Variants in TARS2 observed in about 807,000 individuals in gnomAD.
TARS2 encodes the protein threonine--tRNA ligase, mitochondrial.
In TARS2, 61 loss-of-function variants were observed where a neutral mutation model predicts 94.4. The observed-to-expected ratio is 0.65, with a 90% CI of 0.53 to 0.80. The LOEUF (loss-of-function observed/expected upper bound fraction) is 0.80. Among genes scored for constraint, TARS2 ranks in the 30% least tolerant of loss-of-function variants. TARS2 has a pLI of 0.00. For missense variants in TARS2, 704 were observed against 902.5 expected (o/e 0.78, Z 2.82); for synonymous variants, 359 against 353.4 (o/e 1.02, Z -0.18).
intron 3 of TARS2, among the ~76,000 whole-genome samples, chr1:150,490,308 AG>A (rs1485157807): frequency 2.0e-5 from 3 of 151,848 alleles, no homozygotes; most frequent in Admixed American, 6.6e-5. Flanking sequence ...TAGCAGAGAC[AG>A]GGTTTCACCA....
rs770019276 is a variant in TARS2 at position 150,499,322 on chromosome 1, A to G, written c.1617+29A>G. 17 of 1,592,706 alleles carry G rather than the reference A, an allele frequency of 1.1e-5. No homozygotes were observed. The South Asian group carries it at 1.7e-4, about 16-fold the overall frequency. On this transcript the variant is annotated intron_variant, in intron 13 of 17. Transcript: ENST00000369064. ...AGCTTGGGACCCTGGTTAGTGTTGT[A>G]TTTATTTATTTTTTGCTTTGTTTTA... is the stretch of plus-strand genomic sequence containing the variant.
Position 150,496,678 on chromosome 1 carries a change from G to C in TARS2, c.921+50G>C, listed in dbSNP as rs748962538. On this transcript the variant is annotated intron_variant, in intron 8 of 17. Coordinates refer to ENST00000369064, the MANE Select transcript of TARS2 (RefSeq NM_025150.5). ...GGGATGGTGATAAGGGTTGGAGAGA[G>C]ATGACAGAACCTGATTATGAAATTG... 1.9e-6 allele frequency: 3 copies of C among 1,600,790 alleles called. No homozygotes were observed. The South Asian group carries it at 3.3e-5, about 18-fold the overall frequency.
intron 7 of TARS2, among the ~76,000 whole-genome samples, chr1:150,493,486 G>T (rs750291702): frequency 9.2e-5 from 14 of 152,298 alleles, no homozygotes; most frequent in Middle Eastern, 3.4e-3. Context: ...CTGCATGGTG[G>T]CTCACGCCTA....
At chr1:150,499,324 T>G in intron 13 of TARS2, 31 bp downstream of exon 13, 1 of 1,593,734 alleles carries the variant, frequency 6.3e-7, no homozygotes, top group Non-Finnish European at 8.5e-7. Context: ...AGTGTTGTAT[T>G]TATTTATTTT....
intron 17 of TARS2, among the ~76,000 whole-genome samples, chr1:150,506,563 C>T (rs1026581689): frequency 7.6e-5 from 10 of 132,206 alleles, no homozygotes; most frequent in Non-Finnish European, 1.6e-4. Context: ...CTGCTTGACT[C>T]TAATGTCTCT....
chr1:150,503,209 T>A (rs904420765), intron 13 of TARS2, among the ~76,000 whole-genome samples: 1 of 152,176 alleles, frequency 6.6e-6, no homozygotes, highest in Admixed American at 6.5e-5. Context: ...TGGGCAGCAC[T>A]GAGCAGTTCT....
chr1:150,497,512 C>G lies in TARS2; in HGVS notation c.1021-18C>G. ...TTCCAGTTACTCTGACCTTCCATGT[C>G]TGTACCCTCCTCTCCAGGCTGAGTA... On this transcript the variant is annotated intron_variant, in intron 9 of 17. Transcript: ENST00000369064. 4 of 1,612,142 alleles carry G rather than the reference C, an allele frequency of 2.5e-6. No homozygotes were observed. The highest frequency in any genetic ancestry group is 3.4e-6 in the Non-Finnish European group (4 of 1,178,900).
Position 150,507,354 on chromosome 1 carries a change from G to A in TARS2, c.*290G>A, listed in dbSNP as rs893761294. ...GGAGGCTGAGGCGGACGGATCATGA[G>A]GTCAGGAGATCAAGACCACCCTGGC... On this transcript the variant is annotated 3_prime_UTR_variant, in exon 18 of 18. Transcript: ENST00000369064. 12 of 276,062 alleles carry A rather than the reference G, an allele frequency of 4.3e-5. No homozygotes were observed. Among genetic ancestry groups the A allele is most frequent in the African/African-American group, 2.0e-4 (9 of 45,380 alleles). The allele number at this position is 276,062 out of a possible 1,614,324, so 17.1% of individuals were successfully genotyped here. A position where few individuals can be genotyped will look rare whatever the true frequency, so the allele number is the denominator to read the frequency against.
rs1180611628 is a variant in TARS2, at chr1:150,503,585, ATGTG to A, written c.1618-736_1618-733del. On this transcript the variant is annotated intron_variant, in intron 13 of 17. Coordinates refer to ENST00000369064, the MANE Select transcript of TARS2 (RefSeq NM_025150.5). ...TGTGTGTGTGTGTGTGTGTATATAT[ATGTG>A]TGTGTGTGTGTGTATGTGTGTATAT... 1.8e-4 allele frequency among the ~76,000 whole-genome samples: 25 copies of A among 137,174 alleles called. No individual in the cohort carries two copies. The South Asian group carries it at 2.7e-3, about 15-fold the overall frequency. The allele number at this position is 137,174 out of a possible 152,430, so 90.0% of individuals were successfully genotyped here. A position where few individuals can be genotyped will look rare whatever the true frequency, so the allele number is the denominator to read the frequency against.
chr1:150,491,978 T>G lies in TARS2; in HGVS notation c.695+316T>G, dbSNP rs587617359. The G allele has an allele frequency of 1.1e-4, 31 of 275,206 alleles. No homozygotes were observed. The East Asian group carries it at 2.1e-3, about 19-fold the overall frequency. The allele number at this position is 275,206 out of a possible 1,614,324, so 17.0% of individuals were successfully genotyped here. A position where few individuals can be genotyped will look rare whatever the true frequency, so the allele number is the denominator to read the frequency against. On this transcript the variant is annotated intron_variant, in intron 6 of 17. Transcript: ENST00000369064. ...CCTGGCTAGTTTTTTTTTTTTTTTT[T>G]TTTTTTGAGATGAAGTCTTGTTCTG...
At chr1:150,501,333 A>C (rs55851929) in intron 13 of TARS2, among the ~76,000 whole-genome samples, 8,273 of 23,822 alleles carry the variant, frequency 0.35, 687 homozygotes, top group African/African-American at 0.41. Flanking sequence ...TTTTTTTTTT[A>C]TTGAGACTAT....
chr1:150,504,622 T>C lies in TARS2; in HGVS notation c.1719-10T>C, dbSNP rs757083875. The C allele has an allele frequency of 6.2e-7, 1 of 1,613,376 alleles. No homozygotes were observed. The highest frequency in any genetic ancestry group is 1.1e-5 in the South Asian group (1 of 90,974). ...ACCATTCCATCCACCCCCCCCTTTT[T>C]CCTTTCAAGGCAGGCGGGTGCCCTG... is the stretch of plus-strand genomic sequence containing the variant. On this transcript the variant is annotated splice_polypyrimidine_tract_variant and intron_variant, in intron 14 of 17. Coordinates refer to ENST00000369064, the MANE Select transcript of TARS2 (RefSeq NM_025150.5).
chr1:150,489,822 A>T (rs1411247406), intron 3 of TARS2, among the ~76,000 whole-genome samples: 1 of 152,134 alleles, frequency 6.6e-6, no homozygotes, highest in Non-Finnish European at 1.5e-5. Context: ...AGCACTTGTC[A>T]TCCCAGCTAA....
chr1:150,506,879 A>G (rs375252937), intron 17 of TARS2, 37 bp from the exon 18 acceptor site: 14 of 1,612,120 alleles, frequency 8.7e-6, no homozygotes, highest in Non-Finnish European at 1.2e-5. Context: ...ATGTGGGTGA[A>G]TTTGCCCTGA....
At chr1:150,500,238 G>C (rs945890352) in intron 13 of TARS2, among the ~76,000 whole-genome samples, 1 of 152,102 alleles carries the variant, frequency 6.6e-6, no homozygotes, top group African/African-American at 2.4e-5. Context: ...TAGTAAAAAG[G>C]CTGCTGGATT....
intron 15 of TARS2, 56 bp from the exon 16 acceptor site, chr1:150,504,850 A>G (rs928032323): frequency 1.2e-6 from 2 of 1,609,216 alleles, no homozygotes; most frequent in Non-Finnish European, 1.7e-6. Flanking sequence ...ATACAAGCAC[A>G]CTTCTGGCCA....
rs587708273 is a variant in TARS2 at position 150,495,690 on chromosome 1, G to A, written c.775-792G>A. Among the ~76,000 whole-genome samples, 6 of 148,380 alleles carry A rather than the reference G, an allele frequency of 4.0e-5. No individual in the cohort carries two copies. In the East Asian group the frequency reaches 6.2e-4, roughly 15 times the overall value. ...ATTACAGGTGTGAGCCACTGCGCCC[G>A]GCCTCTCATTAGTACTTTTTTGTTT... On this transcript the variant is annotated intron_variant, in intron 7 of 17. Transcript: ENST00000369064.
In TARS2 at chr1:150,497,765, G is replaced by A. The variant is rs1215295278; in HGVS notation, c.1238+18G>A. On this transcript the variant is annotated intron_variant, in intron 10 of 17. Coordinates refer to ENST00000369064, the MANE Select transcript of TARS2 (RefSeq NM_025150.5). ...GCACACTGGTAAGCTGGGAGCTAGG[G>A]TTACAATCAGGTTGCTAAATATTAA... 6.2e-7 allele frequency: 1 copy of A among 1,609,082 alleles called. No homozygotes were observed. The highest frequency in any genetic ancestry group is 2.2e-5 in the East Asian group (1 of 44,680).
intron 13 of TARS2, among the ~76,000 whole-genome samples, chr1:150,502,905 T>C (rs1310466419): frequency 6.6e-6 from 1 of 152,216 alleles, no homozygotes; most frequent in Non-Finnish European, 1.5e-5. Context: ...AAATAAAATA[T>C]CTTTATTACT....
Sources: gnomAD v4.1 joint callset for allele counts (sites outside exome capture counted in the v4.1 genomes callset) on GRCh38, gnomAD v4.1.1 for gene constraint, MANE v1.5 for transcripts, NCBI Gene and HGNC (gene_info 2026-07-23, HGNC 2026-07-21) for gene names.